The following OR10K2 variants were observed in gnomAD, a reference collection of about 807,000 sequenced individuals.
OR10K2 encodes olfactory receptor 10K2.
For missense variants in OR10K2, 401 were observed against 367.1 expected (o/e 1.09, Z -0.76); for synonymous variants, 169 against 146.4 (o/e 1.15, Z -1.11).
intron 1 of OR10K2, among the ~76,000 whole-genome samples, chr1:158,424,334 T>A (rs1390241882): frequency 1.3e-5 from 2 of 151,982 alleles, no homozygotes; most frequent in Non-Finnish European, 2.9e-5. Context: ...CATGTTGAGG[T>A]CACACACTCA....
intron 1 of OR10K2, among the ~76,000 whole-genome samples, chr1:158,423,898 T>C (rs1194789182): frequency 6.6e-6 from 1 of 152,064 alleles, no homozygotes; most frequent in East Asian, 1.9e-4. Context: ...ACAATTCTCA[T>C]GTTTTACGAT....
Position 158,420,000 on chromosome 1 carries a change from A to G in OR10K2, c.867T>C (p.Ile289=). 6.2e-7 allele frequency: 1 copy of G among 1,613,270 alleles called. No homozygotes were observed. Among genetic ancestry groups the G allele is most frequent in the Middle Eastern group, 1.7e-4 (1 of 6,048 alleles). Residue 289 remains isoleucine (I), a synonymous_variant, in exon 2 of 2, where the codon ATT becomes ATC. Coordinates refer to ENST00000641042, the MANE Select transcript of OR10K2 (RefSeq NM_001004476.2). ...TIITPLFNPM[I]YSLRNKEFKS... ...TGAACTCTTTATTTCTCAAGCTATA[A>G]ATCATTGGGTTGAACAATGGAGTTA...
chr1:158,420,170 C>T lies in OR10K2; in HGVS notation c.697G>A (p.Gly233Ser), dbSNP rs765305829. 6.2e-7 allele frequency: 1 copy of T among 1,613,462 alleles called. No homozygotes were observed. Among genetic ancestry groups the T allele is most frequent in the South Asian group, 1.1e-5 (1 of 91,046 alleles). The change falls in exon 2 of 2, where the codon GGT (glycine) becomes AGT (serine). Residue 233 changes from glycine (G) to serine (S), a missense_variant. Transcript: ENST00000641042. Reference protein sequence around the residue: ...SAILQFPSTLGRCKAFSTCVS... With the variant: ...SAILQFPSTLSRCKAFSTCVS... The stretch of plus-strand genomic sequence containing the variant: ...CAGGTAGAAAAAGCTTTGCACCTAC[C>T]CAGTGTGGAAGGAAACTGAAGTATG...
intron 1 of OR10K2, among the ~76,000 whole-genome samples, chr1:158,425,621 T>C (rs1231228532): frequency 6.6e-6 from 1 of 152,034 alleles, no homozygotes; most frequent in Non-Finnish European, 1.5e-5. Context: ...TATTAGGTAT[T>C]ATATCTTTGT....
At position 158,419,643 on chromosome 1, in the gene OR10K2, C is replaced by G; in HGVS notation, c.*285G>C. ...TTTTTTTTTTTTTTTGAGACAGAGTCTTACTCTGTCGCCCAGGCTGGAGTG... is the reference window on the plus strand; with the variant it reads ...TTTTTTTTTTTTTTTGAGACAGAGTGTTACTCTGTCGCCCAGGCTGGAGTG... On this transcript the variant is annotated 3_prime_UTR_variant, in exon 2 of 2. Transcript: ENST00000641042. 6.0e-6 allele frequency: 1 copy of G among 167,802 alleles called. No homozygotes were observed. 10.4% of individuals were successfully genotyped at this position (167,802 alleles called of 1,614,324 possible).
rs1454216489 is a variant in OR10K2, at chr1:158,426,209, T to G, written c.-338A>C. 6.6e-6 allele frequency: 1 copy of G among 152,150 alleles called. No individual in the cohort carries two copies. The highest frequency in any genetic ancestry group is 1.9e-4 in the East Asian group (1 of 5,192). The allele number at this position is 152,150 out of a possible 1,614,324, so 9.4% of individuals were successfully genotyped here. On this transcript the variant is annotated 5_prime_UTR_variant, in exon 1 of 2. Coordinates refer to ENST00000641042, the MANE Select transcript of OR10K2 (RefSeq NM_001004476.2). ...CAGAGGTAGAGATGTGATGATGGTC[T>G]ATGGTCTTAGACCCAGACCAAAGTC... is the stretch of plus-strand genomic sequence containing the variant.
At chr1:158,425,872 G>A (rs1006886562) in intron 1 of OR10K2, 61 bp downstream of exon 1, 2 of 152,024 alleles carry the variant, frequency 1.3e-5, no homozygotes, top group Non-Finnish European at 2.9e-5. Context: ...TTTTAATTGT[G>A]AGTCTCTCTT....
chr1:158,419,611 A>ATTTTTTTT lies in OR10K2; in HGVS notation c.*309_*316dup. 1 of 124,328 alleles carries ATTTTTTTT rather than the reference A, an allele frequency of 8.0e-6. No homozygotes were observed. The highest frequency in any genetic ancestry group is 1.6e-5 in the Non-Finnish European group (1 of 61,372). The allele number at this position is 124,328 out of a possible 1,614,324, so 7.7% of individuals were successfully genotyped here. ...ACGGTTTGGAAAGAGCAGAATCAAG[A>ATTTTTTTT]TTTTTTTTTTTTTTTTTTTTTGAGA... On this transcript the variant is annotated 3_prime_UTR_variant, in exon 2 of 2. Transcript: ENST00000641042.
In OR10K2 at chr1:158,419,480, A is replaced by C. The variant is rs1172112634; in HGVS notation, c.*448T>G. 6.4e-6 allele frequency: 1 copy of C among 155,422 alleles called. No individual in the cohort carries two copies. Among genetic ancestry groups the C allele is most frequent in the Non-Finnish European group, 1.4e-5 (1 of 69,240 alleles). The allele number at this position is 155,422 out of a possible 1,614,324, so 9.6% of individuals were successfully genotyped here. On this transcript the variant is annotated 3_prime_UTR_variant, in exon 2 of 2. Coordinates refer to ENST00000641042, the MANE Select transcript of OR10K2 (RefSeq NM_001004476.2). ...GTGGCAAGCAGTTGTGTTTTTCTAA[A>C]TTTTATATTTGGAGATGACGGGAAA...
intron 1 of OR10K2, among the ~76,000 whole-genome samples, 200 bp from the exon 2 acceptor site, chr1:158,421,127 A>G (rs549720315): frequency 2.0e-5 from 3 of 152,070 alleles, no homozygotes; most frequent in Non-Finnish European, 4.4e-5. Context: ...TCAGATTCAA[A>G]CAACCCTTCA....
In OR10K2 at chr1:158,423,960, T is replaced by C. The variant is rs570723331; in HGVS notation, c.-62+1973A>G. Among the ~76,000 whole-genome samples, 17 of 152,194 alleles carry C rather than the reference T, an allele frequency of 1.1e-4. No homozygotes were observed. In the South Asian group the frequency reaches 3.3e-3, roughly 30 times the overall value. On this transcript the variant is annotated intron_variant, in intron 1 of 1. Coordinates refer to ENST00000641042, the MANE Select transcript of OR10K2 (RefSeq NM_001004476.2). ...ACTATAGATATAATTATGAATAAAA[T>C]CATTGCCCTTTTCTCAGAGAAGAAT...
At chr1:158,423,185 C>G (rs1655191087) in intron 1 of OR10K2, among the ~76,000 whole-genome samples, 1 of 151,462 alleles carries the variant, frequency 6.6e-6, no homozygotes, top group East Asian at 1.9e-4. Flanking sequence ...GGGCAATCAC[C>G]CTCCTCCTCC....
In OR10K2 at chr1:158,426,045, G is replaced by T. The variant is rs1372292987; in HGVS notation, c.-174C>A. 6.6e-6 allele frequency: 1 copy of T among 152,124 alleles called. No individual in the cohort carries two copies. Among genetic ancestry groups the T allele is most frequent in the Non-Finnish European group, 1.5e-5 (1 of 68,032 alleles). 9.4% of individuals were successfully genotyped at this position (152,124 alleles called of 1,614,324 possible). A position where few individuals can be genotyped will look rare whatever the true frequency, so the allele number is the denominator to read the frequency against. On this transcript the variant is annotated 5_prime_UTR_variant, in exon 1 of 2. Coordinates refer to ENST00000641042, the MANE Select transcript of OR10K2 (RefSeq NM_001004476.2). The stretch of plus-strand genomic sequence containing the variant: ...CTTAGTCCAAGCAAGATGGATGTCT[G>T]TTATTCATGGAGTGCTTCCATTTTT...
At chr1:158,421,044 C>A (rs10489830) in intron 1 of OR10K2, 117 bp from the exon 2 acceptor site, 259,838 of 644,922 alleles carry the variant, frequency 0.4, 55,907 homozygotes, top group Non-Finnish European at 0.45. Flanking sequence ...TTGCTAAAAT[C>A]AGGCAAGCGT....
intron 1 of OR10K2, 104 bp downstream of exon 1, chr1:158,425,829 T>A (rs997412418): frequency 6.6e-6 from 1 of 152,120 alleles, no homozygotes; most frequent in African/African-American, 2.4e-5. Context: ...ACTTTAAAAC[T>A]TAAATAATCC....
chr1:158,425,968 G>C lies in OR10K2; in HGVS notation c.-97C>G, dbSNP rs1571265190. ...AAAACATAAGTCCTGCCAGAGGATAGATGTTTATTTTCATTTCCTGTCCAT... is the reference window on the plus strand; with the variant it reads ...AAAACATAAGTCCTGCCAGAGGATACATGTTTATTTTCATTTCCTGTCCAT... On this transcript the variant is annotated 5_prime_UTR_variant, in exon 1 of 2. It adds an upstream start codon to the 5' untranslated region. Transcript: ENST00000641042. 6.6e-6 allele frequency: 1 copy of C among 152,084 alleles called. No individual in the cohort carries two copies. The highest frequency in any genetic ancestry group is 1.9e-4 in the East Asian group (1 of 5,190). 9.4% of individuals were successfully genotyped at this position (152,084 alleles called of 1,614,324 possible).
chr1:158,420,047 T>G lies in OR10K2; in HGVS notation c.820A>C (p.Ile274Leu), dbSNP rs759390881. The change falls in exon 2 of 2, where the codon ATA becomes CTA. Residue 274 changes from isoleucine (I) to leucine (L), a missense_variant. Physicochemically the swap from Ile to Leu is conservative, Grantham distance 5. Transcript: ENST00000641042. ...GTTATAATAGTGTAGGATACTGATATTAGAGCATCCTGGCTTGAGGAGTAG... is the reference window on the plus strand; with the variant it reads ...GTTATAATAGTGTAGGATACTGATAGTAGAGCATCCTGGCTTGAGGAGTAG... ...SNYSSSQDAL[I>L]SVSYTIITPL... The G allele has an allele frequency of 8.7e-5, 141 of 1,613,580 alleles. No individual in the cohort carries two copies. The highest frequency in any genetic ancestry group is 1.6e-4 in the Middle Eastern group (1 of 6,072).
rs1433443320 is a variant in OR10K2 at position 158,426,175 on chromosome 1, A to G, written c.-304T>C. ...GGTCAAAATGGGTCACAGGCTACTGATATTTACTCAGAGGTAGAGATGTGA... is the reference window on the plus strand; with the variant it reads ...GGTCAAAATGGGTCACAGGCTACTGGTATTTACTCAGAGGTAGAGATGTGA... On this transcript the variant is annotated 5_prime_UTR_variant, in exon 1 of 2. Coordinates refer to ENST00000641042, the MANE Select transcript of OR10K2 (RefSeq NM_001004476.2). 7.2e-5 allele frequency: 11 copies of G among 152,090 alleles called. No homozygotes were observed. The highest frequency in any genetic ancestry group is 2.7e-4 in the African/African-American group (11 of 41,416). The allele number at this position is 152,090 out of a possible 1,614,324, so 9.4% of individuals were successfully genotyped here.
At chr1:158,422,344 G>T (rs554564004) in intron 1 of OR10K2, among the ~76,000 whole-genome samples, 1 of 152,202 alleles carries the variant, frequency 6.6e-6, no homozygotes, top group East Asian at 1.9e-4. Context: ...AATTCTCAGT[G>T]TTATTTCTTT....
Sources: gnomAD v4.1 joint callset for allele counts (sites outside exome capture counted in the v4.1 genomes callset) on GRCh38, gnomAD v4.1.1 for gene constraint, MANE v1.5 for transcripts, NCBI Gene and HGNC (gene_info 2026-07-23, HGNC 2026-07-21) for gene names.